Variants in CCSER1 observed in about 807,000 individuals in gnomAD.
The protein encoded by CCSER1 is coiled-coil serine rich protein 1.
CCSER1 carries 41 observed loss-of-function variants against 82.0 expected under a neutral mutation model. That is an observed-to-expected ratio of 0.50 (90% CI 0.39 to 0.65). The LOEUF is 0.65. CCSER1 is among the 30% of genes least tolerant of loss of function. The probability of loss-of-function intolerance (pLI) is 0.00; values close to 1 mark genes in which losing one functional copy is unlikely to be tolerated. For synonymous variants in CCSER1, 414 were observed against 383.9 expected (o/e 1.08, Z -0.92); for missense variants, 1,119 against 1,064.2 (o/e 1.05, Z -0.72).
chr4:91,566,514 G>A (rs1319546174), intron 10 of CCSER1, among the ~76,000 whole-genome samples: 1 of 152,008 alleles, frequency 6.6e-6, no homozygotes, highest in African/African-American at 2.4e-5. Context: ...AATCCATCAG[G>A]TCCTAGGCTT....
intron 10 of CCSER1, among the ~76,000 whole-genome samples, chr4:91,466,539 A>C (rs1280582944): frequency 6.6e-6 from 1 of 152,182 alleles, no homozygotes; most frequent in African/African-American, 2.4e-5. Flanking sequence ...ATAGGTATTC[A>C]ACTAGGAAAA....
chr4:91,072,301 T>G (rs1721519820), intron 9 of CCSER1, among the ~76,000 whole-genome samples: 1 of 152,158 alleles, frequency 6.6e-6, no homozygotes, highest in Non-Finnish European at 1.5e-5. Flanking sequence ...TCTTTTAATT[T>G]TTGTCTGCCT....
intron 10 of CCSER1, among the ~76,000 whole-genome samples, chr4:91,586,340 A>G (rs777004506): frequency 9.2e-5 from 14 of 151,696 alleles, no homozygotes; most frequent in Non-Finnish European, 1.8e-4. Flanking sequence ...TGAAGTTGGT[A>G]TGTTTAAAGT....
intron 10 of CCSER1, among the ~76,000 whole-genome samples, chr4:91,273,814 G>C (rs952224717): frequency 3.3e-5 from 5 of 152,140 alleles, no homozygotes; most frequent in African/African-American, 4.8e-5. Flanking sequence ...AATCATAAAA[G>C]GATGCTAGAT....
intron 10 of CCSER1, among the ~76,000 whole-genome samples, chr4:91,152,242 C>G (rs1237312165): frequency 1.3e-5 from 2 of 152,086 alleles, no homozygotes; most frequent in Non-Finnish European, 2.9e-5. Flanking sequence ...CCTCCCTTGT[C>G]TCTTTTGATC....
At chr4:90,715,587 G>T (rs1427618416) in intron 6 of CCSER1, among the ~76,000 whole-genome samples, 1 of 152,014 alleles carries the variant, frequency 6.6e-6, no homozygotes, top group East Asian at 1.9e-4. Context: ...TTAGATTATT[G>T]ATACCAGGAG....
chr4:90,286,273 T>C (rs980432205), intron 1 of CCSER1, among the ~76,000 whole-genome samples: 4 of 152,002 alleles, frequency 2.6e-5, no homozygotes, highest in Non-Finnish European at 5.9e-5. Flanking sequence ...CTGGGCTTTT[T>C]TTCATTGGGA....
intron 8 of CCSER1, among the ~76,000 whole-genome samples, chr4:90,824,872 C>G (rs552331615): frequency 6.6e-6 from 1 of 152,240 alleles, no homozygotes; most frequent in Non-Finnish European, 1.5e-5. Context: ...TGTCAGGCTA[C>G]TTTCCTTCTT....
chr4:90,420,476 G>C (rs1756515403), intron 4 of CCSER1, among the ~76,000 whole-genome samples: 1 of 151,984 alleles, frequency 6.6e-6, no homozygotes, highest in Non-Finnish European at 1.5e-5. Flanking sequence ...AAATTGACTA[G>C]CTCCATGTAG....
rs576463487 is a variant in CCSER1, at chr4:91,445,342, A to G, written c.2218-153230A>G. Among the ~76,000 whole-genome samples the G allele has an allele frequency of 7.9e-5, 12 of 151,336 alleles. 1 individual carries two copies. The South Asian group carries it at 2.5e-3, about 32-fold the overall frequency. On this transcript the variant is annotated intron_variant, in intron 10 of 10. Coordinates refer to ENST00000509176, the MANE Select transcript of CCSER1 (RefSeq NM_001145065.2). ...ATTTTGCAACAGTTTTTGTATTGGG[A>G]GATAAAAAGAGAGATATTTGGCCAA...
At chr4:90,624,783 G>A (rs965535881) in intron 5 of CCSER1, among the ~76,000 whole-genome samples, 1 of 152,118 alleles carries the variant, frequency 6.6e-6, no homozygotes, top group Non-Finnish European at 1.5e-5. Flanking sequence ...AACTTTAAAT[G>A]TTACTAAATC....
At chr4:90,720,737 G>A (rs144517384) in intron 6 of CCSER1, among the ~76,000 whole-genome samples, 303 of 152,020 alleles carry the variant, frequency 2.0e-3, no homozygotes, top group Non-Finnish European at 3.6e-3. Context: ...ATATCAAAAT[G>A]AAGAAGATAA....
At chr4:90,159,023 C>G (rs1368505648) in intron 1 of CCSER1, among the ~76,000 whole-genome samples, 2 of 152,020 alleles carry the variant, frequency 1.3e-5, no homozygotes, top group Admixed American at 6.6e-5. Flanking sequence ...CATCTTGGCT[C>G]CGACCTCCCT....
At chr4:91,142,445 G>C (rs1026306440) in intron 10 of CCSER1, among the ~76,000 whole-genome samples, 1 of 152,004 alleles carries the variant, frequency 6.6e-6, no homozygotes, top group Non-Finnish European at 1.5e-5. Flanking sequence ...AGTTTCTTTT[G>C]CTGTGCAAAA....
At chr4:91,565,788 C>A (rs894061492) in intron 10 of CCSER1, among the ~76,000 whole-genome samples, 1 of 151,466 alleles carries the variant, frequency 6.6e-6, no homozygotes, top group African/African-American at 2.4e-5. Flanking sequence ...TCTGCTGGAG[C>A]AGCTATTGGG....
chr4:91,266,215 C>T (rs1291058241), intron 10 of CCSER1, among the ~76,000 whole-genome samples: 8 of 151,952 alleles, frequency 5.3e-5, no homozygotes, highest in Admixed American at 4.6e-4. Context: ...CCTAAGACCA[C>T]TTTAACTTAA....
intron 3 of CCSER1, among the ~76,000 whole-genome samples, chr4:90,323,371 C>T (rs1737523410): frequency 6.6e-6 from 1 of 152,198 alleles, no homozygotes; most frequent in Admixed American, 6.5e-5. Context: ...TTTGGGACCC[C>T]ATGCCACTTT....
intron 1 of CCSER1, among the ~76,000 whole-genome samples, chr4:90,233,378 A>C (rs1289184520): frequency 6.6e-6 from 1 of 152,150 alleles, no homozygotes; most frequent in African/African-American, 2.4e-5. Flanking sequence ...CAAGAACAAA[A>C]AACCCAACAC....
At chr4:90,248,661 A>G (rs2153439346) in intron 1 of CCSER1, among the ~76,000 whole-genome samples, 1 of 151,418 alleles carries the variant, frequency 6.6e-6, no homozygotes, top group African/African-American at 2.4e-5. Context: ...TAAATGATCA[A>G]TTTTCTTAGC....
Sources: allele counts gnomAD v4.1 joint callset (sites outside exome capture counted in the v4.1 genomes callset), GRCh38; gene constraint gnomAD v4.1.1; transcripts MANE v1.5; gene names NCBI Gene and HGNC (gene_info 2026-07-23, HGNC 2026-07-21).